The following FAM133B variants were observed in gnomAD, a reference collection of about 807,000 sequenced individuals.
FAM133B encodes protein FAM133B.
A neutral mutation model predicts 46.4 loss-of-function variants in FAM133B; 25 were observed. The observed-to-expected ratio is 0.54, with a 90% CI of 0.39 to 0.75. The LOEUF is 0.75. Among genes scored for constraint, FAM133B ranks in the 30% least tolerant of loss-of-function variants. FAM133B has a pLI of 0.00. For missense variants in FAM133B, 205 were observed against 277.6 expected, an observed-to-expected ratio of 0.74 and a Z score of 1.86; for synonymous variants, 75 against 86.0, an observed-to-expected ratio of 0.87 and a Z score of 0.71.
At chr7:92,565,942 T>C in intron 10 of FAM133B, 72 bp downstream of exon 10, 1 of 1,512,024 alleles carries the variant, frequency 6.6e-7, no homozygotes, top group Non-Finnish European at 9.2e-7. Flanking sequence ...CAATCAAGCT[T>C]TACCATGACT....
intron 1 of FAM133B, among the ~76,000 whole-genome samples, chr7:92,582,282 A>ACATAG (rs1794904843): frequency 7.2e-6 from 1 of 139,142 alleles, no homozygotes; most frequent in African/African-American, 3.0e-5. Flanking sequence ...ACATAACATA[A>ACATAG]CATAACATAA....
intron 9 of FAM133B, among the ~76,000 whole-genome samples, chr7:92,566,799 A>G (rs1585297213): frequency 6.6e-6 from 1 of 152,348 alleles, no homozygotes; most frequent in East Asian, 1.9e-4. Context: ...GTGCTCAACA[A>G]ATGGTAGCTC....
intron 10 of FAM133B, chr7:92,565,375 T>G (rs112287760): frequency 0.032 from 4,876 of 150,894 alleles, 100 homozygotes; most frequent in Non-Finnish European, 0.043. Context: ...AGGCTGGTCT[T>G]GAACTCCTGA....
chr7:92,589,235 G>A (rs531675159), intron 1 of FAM133B, among the ~76,000 whole-genome samples: 10 of 152,144 alleles, frequency 6.6e-5, no homozygotes, highest in African/African-American at 2.2e-4. Flanking sequence ...TAAGCTTATT[G>A]TTATTTCATT....
intron 1 of FAM133B, among the ~76,000 whole-genome samples, chr7:92,586,396 G>A (rs1357485596): frequency 6.6e-6 from 1 of 152,134 alleles, no homozygotes; most frequent in Non-Finnish European, 1.5e-5. Context: ...TTTAAAACAA[G>A]CAACTATTTT....
Position 92,581,495 on chromosome 7 carries a change from T to C in FAM133B, c.122+11A>G. 1 of 1,606,802 alleles carries C rather than the reference T, an allele frequency of 6.2e-7. No homozygotes were observed. The highest frequency in any genetic ancestry group is 8.5e-7 in the Non-Finnish European group (1 of 1,174,060). On this transcript the variant is annotated intron_variant, in intron 2 of 10. Transcript: ENST00000445716. ...AAAAGCTTATAAATAGGTAAAGTGTTTCACAAATACCAGGTAGGCCTTGGT... is the reference window on the plus strand; with the variant it reads ...AAAAGCTTATAAATAGGTAAAGTGTCTCACAAATACCAGGTAGGCCTTGGT...
At chr7:92,590,040 G>A (rs1795150747) in intron 1 of FAM133B, 2 of 606,556 alleles carry the variant, frequency 3.3e-6, no homozygotes, top group East Asian at 2.9e-5. Context: ...AAAGAGCGAC[G>A]AGGTGAGGGA....
rs1794767929 is a variant in FAM133B, at chr7:92,578,450, T to G, written c.202-57A>C. On this transcript the variant is annotated intron_variant, in intron 3 of 10. Coordinates refer to ENST00000445716, the MANE Select transcript of FAM133B (RefSeq NM_152789.4). ...TATCTAACCTTTCCAATACACCTAA[T>G]ATACAGAGACAGCCACTGCTTCCTT... The G allele has an allele frequency of 2.1e-6, 3 of 1,447,232 alleles. No homozygotes were observed. The African/African-American group carries it at 4.2e-5, about 20-fold the overall frequency. The allele number at this position is 1,447,232 out of a possible 1,614,324, so 89.6% of individuals were successfully genotyped here.
chr7:92,576,969 A>G (rs1794718944), intron 7 of FAM133B, 134 bp downstream of exon 7: 5 of 444,996 alleles, frequency 1.1e-5, no homozygotes, highest in South Asian at 7.1e-5. Context: ...ATTATCAAGT[A>G]TATCAATTAA....
At chr7:92,573,565 A>G (rs747605707) in intron 8 of FAM133B, among the ~76,000 whole-genome samples, 1 of 151,496 alleles carries the variant, frequency 6.6e-6, no homozygotes, top group African/African-American at 2.4e-5. Flanking sequence ...ACATGTGTGT[A>G]TATTACTCTG....
Position 92,590,292 on chromosome 7 carries a change from G to A in FAM133B, c.-1C>T. Reference sequence around the variant, plus strand: ...CCACCCGATTGTCCCGCTTCCCCATGGTGCTGGATCGAGCGCACAGTAGCA... The same window carrying A: ...CCACCCGATTGTCCCGCTTCCCCATAGTGCTGGATCGAGCGCACAGTAGCA... On this transcript the variant is annotated 5_prime_UTR_variant, in exon 1 of 11. Transcript: ENST00000445716. 6.2e-7 allele frequency: 1 copy of A among 1,613,858 alleles called. No homozygotes were observed. Among genetic ancestry groups the A allele is most frequent in the Non-Finnish European group, 8.5e-7 (1 of 1,179,774 alleles).
At chr7:92,577,054 T>A (rs561932770) in intron 7 of FAM133B, 49 bp downstream of exon 7, 1 of 1,202,956 alleles carries the variant, frequency 8.3e-7, no homozygotes, top group Non-Finnish European at 1.1e-6. Context: ...GCAGAAAAAC[T>A]TAATTAAATG....
At chr7:92,587,904 G>A (rs138343904) in intron 1 of FAM133B, among the ~76,000 whole-genome samples, 17 of 152,224 alleles carry the variant, frequency 1.1e-4, no homozygotes, top group Non-Finnish European at 2.4e-4. Context: ...GGCTATGCAC[G>A]AGTGGGGTCA....
Position 92,581,577 on chromosome 7 carries a change from C to T in FAM133B, c.51G>A (p.Ala17=), listed in dbSNP as rs749982176. 2.0e-5 allele frequency: 33 copies of T among 1,613,664 alleles called. 1 individual carries two copies. Among genetic ancestry groups the T allele is most frequent in the South Asian group, 1.8e-4 (16 of 91,082 alleles). The change falls in exon 2 of 11, where the codon GCG becomes GCA. Residue 17 remains alanine (A), a synonymous_variant. Coordinates refer to ENST00000445716, the MANE Select transcript of FAM133B (RefSeq NM_152789.4). ...RVAYMNPIAM[A]RSRGPIQSSG... The stretch of plus-strand genomic sequence containing the variant: ...AAGACTGGATTGGACCCCTTGATCT[C>T]GCCATTGCTATTGGGTTCATATAGG...
chr7:92,583,521 C>T (rs1438908115), intron 1 of FAM133B, among the ~76,000 whole-genome samples: 3 of 152,282 alleles, frequency 2.0e-5, no homozygotes, highest in Non-Finnish European at 4.4e-5. Flanking sequence ...CTGTCTACTA[C>T]ACTTACTACA....
At chr7:92,581,787 G>T in intron 1 of FAM133B, 184 bp from the exon 2 acceptor site, 1 of 519,438 alleles carries the variant, frequency 1.9e-6, no homozygotes, top group Non-Finnish European at 3.4e-6. Flanking sequence ...AAAAGTTTGG[G>T]AGAAAATTGT....
In FAM133B at chr7:92,581,601, G is replaced by C; in HGVS notation, c.27C>G (p.Ala9=). 6.2e-7 allele frequency: 1 copy of C among 1,613,040 alleles called. No individual in the cohort carries two copies. Among genetic ancestry groups the C allele is most frequent in the Non-Finnish European group, 8.5e-7 (1 of 1,179,216 alleles). Residue 9 remains alanine, a splice_region_variant and synonymous_variant, in exon 2 of 11, where the codon GCC becomes GCG. Transcript: ENST00000445716. MGKRDNRV[A]YMNPIAMARS... Reference sequence around the variant, plus strand: ...TCGCCATTGCTATTGGGTTCATATAGGCCTTGGGGAAAGAACAACAATTAA... The same window carrying C: ...TCGCCATTGCTATTGGGTTCATATACGCCTTGGGGAAAGAACAACAATTAA...
intron 9 of FAM133B, among the ~76,000 whole-genome samples, chr7:92,569,373 T>C (rs1794461836): frequency 6.6e-6 from 1 of 152,180 alleles, no homozygotes; most frequent in South Asian, 2.1e-4. Context: ...ATATGATATG[T>C]TTCCTGCCAA....
chr7:92,581,807 T>C (rs1562896981), intron 1 of FAM133B: 4 of 390,186 alleles, frequency 1.0e-5, no homozygotes, highest in African/African-American at 2.9e-5. Context: ...TGTGTGTGTG[T>C]GTGTGTGTGT....
Sources: allele counts gnomAD v4.1 joint callset (sites outside exome capture counted in the v4.1 genomes callset), GRCh38; gene constraint gnomAD v4.1.1; transcripts MANE v1.5; gene names NCBI Gene and HGNC (gene_info 2026-07-23, HGNC 2026-07-21).